Variants in CPQ observed in about 807,000 individuals in gnomAD.
CPQ encodes the protein carboxypeptidase Q.
Under a neutral mutation model 45.7 loss-of-function variants are expected in CPQ, and 37 were observed. The ratio of observed to expected loss-of-function variants is 0.81; its 90% CI spans 0.62 to 1.07. The LOEUF (loss-of-function observed/expected upper bound fraction) is 1.07. Ranked by LOEUF, CPQ falls within the 50% of genes least tolerant of loss-of-function variation. The pLI, the probability that CPQ is intolerant of heterozygous loss-of-function variation, is 0.00. For synonymous variants in CPQ, 186 were observed against 205.8 expected (o/e 0.90, Z 0.82); for missense variants, 537 against 572.9 (o/e 0.94, Z 0.64).
intron 1 of CPQ, among the ~76,000 whole-genome samples, chr8:96,709,585 A>G (rs560030035): frequency 6.6e-6 from 1 of 152,202 alleles, no homozygotes; most frequent in African/African-American, 2.4e-5. Flanking sequence ...TTTTGATATA[A>G]TGACTTCTTT....
intron 7 of CPQ, among the ~76,000 whole-genome samples, chr8:97,129,878 T>A (rs1811913076): frequency 6.6e-6 from 1 of 152,192 alleles, no homozygotes; most frequent in Non-Finnish European, 1.5e-5. Context: ...AGCAAGGTAC[T>A]TGGCACTTAG....
chr8:96,944,737 C>T (rs564581688), intron 4 of CPQ, among the ~76,000 whole-genome samples: 1 of 152,256 alleles, frequency 6.6e-6, no homozygotes, highest in East Asian at 1.9e-4. Flanking sequence ...TCAAGCTGCT[C>T]ATTGTTTTAG....
intron 7 of CPQ, among the ~76,000 whole-genome samples, chr8:97,123,509 A>G (rs1811793697): frequency 6.6e-6 from 1 of 151,776 alleles, no homozygotes; most frequent in Non-Finnish European, 1.5e-5. Context: ...TAGAGCAACC[A>G]TTTTTAAAAA....
At chr8:96,790,923 T>C (rs1432928170) in intron 2 of CPQ, among the ~76,000 whole-genome samples, 2 of 152,186 alleles carry the variant, frequency 1.3e-5, no homozygotes, top group African/African-American at 4.8e-5. Context: ...TTGATCTCTC[T>C]AAGGCTGCAT....
intron 1 of CPQ, among the ~76,000 whole-genome samples, chr8:96,736,922 T>C (rs977951102): frequency 2.0e-5 from 3 of 152,152 alleles, no homozygotes; most frequent in Non-Finnish European, 4.4e-5. Flanking sequence ...ATTTCTCTTA[T>C]TACCTTTTTA....
At chr8:97,068,025 C>A (rs950891166) in intron 7 of CPQ, among the ~76,000 whole-genome samples, 4 of 152,136 alleles carry the variant, frequency 2.6e-5, no homozygotes, top group Non-Finnish European at 4.4e-5. Flanking sequence ...AATGAGAGTG[C>A]AGACGGGGGG....
At chr8:96,813,216 A>G (rs1043213493) in intron 2 of CPQ, among the ~76,000 whole-genome samples, 38 of 152,106 alleles carry the variant, frequency 2.5e-4, no homozygotes, top group African/African-American at 9.2e-4. Context: ...CCATTCTTCT[A>G]TGTAATCAAG....
intron 7 of CPQ, among the ~76,000 whole-genome samples, chr8:97,102,358 T>A (rs1291578507): frequency 6.6e-6 from 1 of 152,152 alleles, no homozygotes; most frequent in Admixed American, 6.5e-5. Flanking sequence ...ACTGCCTTTT[T>A]CCAGAAGTAG....
In CPQ at chr8:96,905,383, A is replaced by G. The variant is rs889716339; in HGVS notation, c.849+25378A>G. 4.6e-5 allele frequency among the ~76,000 whole-genome samples: 7 copies of G among 152,306 alleles called. No individual in the cohort carries two copies. The East Asian group carries it at 1.4e-3, about 29-fold the overall frequency. On this transcript the variant is annotated intron_variant, in intron 4 of 7. Coordinates refer to ENST00000220763, the MANE Select transcript of CPQ (RefSeq NM_016134.4). Reference sequence around the variant, plus strand: ...ATATCAGACCCATAAGCATGTGGTTACAGATGAAGGCACAGTAGCTGTGAC... The same window carrying G: ...ATATCAGACCCATAAGCATGTGGTTGCAGATGAAGGCACAGTAGCTGTGAC...
chr8:96,793,981 C>G (rs766893260), intron 2 of CPQ, among the ~76,000 whole-genome samples: 14 of 152,154 alleles, frequency 9.2e-5, no homozygotes, highest in Non-Finnish European at 1.8e-4. Context: ...TTCCAGGCTG[C>G]TTTCATGGGC....
chr8:96,683,635 T>C (rs1271243185), intron 1 of CPQ, among the ~76,000 whole-genome samples: 1 of 152,154 alleles, frequency 6.6e-6, no homozygotes, highest in Non-Finnish European at 1.5e-5. Context: ...ATCTATCTCT[T>C]GCCCTTCTGG....
At chr8:96,871,175 A>G (rs1586432839) in intron 3 of CPQ, among the ~76,000 whole-genome samples, 1 of 152,000 alleles carries the variant, frequency 6.6e-6, no homozygotes, top group Admixed American at 6.6e-5. Context: ...TCTCATATAC[A>G]ACTTTTCTAA....
At chr8:96,764,679 C>T (rs1810445297) in intron 1 of CPQ, among the ~76,000 whole-genome samples, 2 of 152,124 alleles carry the variant, frequency 1.3e-5, no homozygotes, top group African/African-American at 4.8e-5. Flanking sequence ...GATCAATGTT[C>T]AGGCCTATTA....
intron 4 of CPQ, among the ~76,000 whole-genome samples, chr8:96,913,987 T>C (rs919010779): frequency 1.3e-5 from 2 of 152,216 alleles, no homozygotes; most frequent in African/African-American, 4.8e-5. Context: ...CTCTACTTAA[T>C]TGTGCTGTGT....
chr8:96,987,567 C>T (rs1054150227), intron 5 of CPQ, among the ~76,000 whole-genome samples: 4 of 152,104 alleles, frequency 2.6e-5, no homozygotes, highest in East Asian at 1.9e-4. Context: ...ATGAGAAGTC[C>T]GCGTTTGTCT....
At chr8:96,916,579 A>C (rs1812735836) in intron 4 of CPQ, among the ~76,000 whole-genome samples, 1 of 152,140 alleles carries the variant, frequency 6.6e-6, no homozygotes, top group South Asian at 2.1e-4. Context: ...TCCCACTATT[A>C]ACATTTTACA....
chr8:96,817,880 G>A (rs1446575387), intron 2 of CPQ, among the ~76,000 whole-genome samples: 1 of 152,022 alleles, frequency 6.6e-6, no homozygotes, highest in African/African-American at 2.4e-5. Context: ...TTCCCAAATT[G>A]CTGGGATTAC....
At chr8:96,871,384 G>T (rs1353317026) in intron 3 of CPQ, among the ~76,000 whole-genome samples, 1 of 151,958 alleles carries the variant, frequency 6.6e-6, no homozygotes, top group Non-Finnish European at 1.5e-5. Context: ...AGATTCAGCT[G>T]CAAGTATTTC....
intron 1 of CPQ, among the ~76,000 whole-genome samples, chr8:96,715,412 G>C (rs1355582832): frequency 6.6e-6 from 1 of 152,186 alleles, no homozygotes; most frequent in Non-Finnish European, 1.5e-5. Context: ...TCTCTAAGTA[G>C]ATAGGGATTG....
Sources: gnomAD v4.1 joint callset for allele counts (sites outside exome capture counted in the v4.1 genomes callset) on GRCh38, gnomAD v4.1.1 for gene constraint, MANE v1.5 for transcripts, NCBI Gene and HGNC (gene_info 2026-07-23, HGNC 2026-07-21) for gene names.